Variants in REEP3 observed in about 807,000 individuals in gnomAD.
The protein encoded by REEP3 is receptor accessory protein 3, also known as receptor expression-enhancing protein 3.
Under a neutral mutation model 41.3 loss-of-function variants are expected in REEP3, and 20 were observed. The observed-to-expected ratio is 0.48, with a 90% CI of 0.34 to 0.70. The LOEUF is 0.70. Ranked by LOEUF, REEP3 falls within the 30% of genes least tolerant of loss-of-function variation. The pLI is 0.01. For synonymous variants in REEP3, 104 were observed against 101.8 expected (o/e 1.02, Z -0.13); for missense variants, 271 against 308.8 (o/e 0.88, Z 0.92).
chr10:63,576,643 T>C (rs1164324211), intron 2 of REEP3, among the ~76,000 whole-genome samples: 2 of 152,222 alleles, frequency 1.3e-5, no homozygotes, highest in South Asian at 2.1e-4. Flanking sequence ...AGTCAGCTTG[T>C]GTTGCCATAA....
chr10:63,572,172 AT>A (rs1216362464), intron 2 of REEP3, among the ~76,000 whole-genome samples: 2 of 152,190 alleles, frequency 1.3e-5, no homozygotes, highest in Admixed American at 6.5e-5. Context: ...TTAAAAAAAA[AT>A]AAAATCCCTT....
At chr10:63,612,103 C>T (rs1369334844) in intron 6 of REEP3, among the ~76,000 whole-genome samples, 2 of 152,044 alleles carry the variant, frequency 1.3e-5, no homozygotes, top group Non-Finnish European at 2.9e-5. Context: ...CTTAATAGTA[C>T]ATTAATAATG....
intron 5 of REEP3, among the ~76,000 whole-genome samples, chr10:63,607,510 C>G (rs1956240008): frequency 6.6e-6 from 1 of 152,158 alleles, no homozygotes; most frequent in Non-Finnish European, 1.5e-5. Context: ...ATGGAGAAAC[C>G]TGTGGCCATA....
chr10:63,595,998 A>C (rs1956111028), intron 3 of REEP3, among the ~76,000 whole-genome samples: 1 of 152,152 alleles, frequency 6.6e-6, no homozygotes, highest in Non-Finnish European at 1.5e-5. Flanking sequence ...GTCAGTGTCT[A>C]CTTACATTTT....
intron 6 of REEP3, among the ~76,000 whole-genome samples, chr10:63,613,315 C>T (rs528336057): frequency 2.6e-4 from 39 of 152,234 alleles, no homozygotes; most frequent in African/African-American, 9.2e-4. Context: ...TGGCCACCTA[C>T]CAAATTTTAT....
Position 63,567,573 on chromosome 10 carries a change from G to T in REEP3, c.105+1163G>T, listed in dbSNP as rs117531326. Among the ~76,000 whole-genome samples the T allele has an allele frequency of 6.3e-3, 957 of 152,138 alleles. 3 individuals carry two copies. Among genetic ancestry groups the T allele is most frequent in the Admixed American group, 0.011 (171 of 15,288 alleles). On this transcript the variant is annotated intron_variant, in intron 2 of 7. Transcript: ENST00000373758. ...CTACTGTATGGATATATGACATTTTGCTTATCCATTCATCTGTTGACAGAC... is the reference window on the plus strand; with the variant it reads ...CTACTGTATGGATATATGACATTTTTCTTATCCATTCATCTGTTGACAGAC...
At chr10:63,597,919 A>AT (rs1435838355) in intron 3 of REEP3, 105 bp from the exon 4 acceptor site, 1 of 1,050,300 alleles carries the variant, frequency 9.5e-7, no homozygotes, top group Non-Finnish European at 1.3e-6. Context: ...AAAAAAAAAA[A>AT]ACAAAAAACA....
chr10:63,598,010 G>GT lies in REEP3; in HGVS notation c.183-9dup, dbSNP rs751542563. On this transcript the variant is annotated splice_polypyrimidine_tract_variant and intron_variant, in intron 3 of 7. Transcript: ENST00000373758. ...TTTCACTGGCAGTTTATTTCCAAATGTTTTTCTTATTAGGTTTCCCCTGTA... is the reference window on the plus strand; with the variant it reads ...TTTCACTGGCAGTTTATTTCCAAATGTTTTTTCTTATTAGGTTTCCCCTGTA... 1.3e-6 allele frequency: 2 copies of GT among 1,574,826 alleles called. No individual in the cohort carries two copies. The highest frequency in any genetic ancestry group is 2.7e-5 in the African/African-American group (2 of 72,896).
intron 2 of REEP3, among the ~76,000 whole-genome samples, chr10:63,590,029 A>G (rs1010307690): frequency 2.6e-5 from 4 of 151,966 alleles, no homozygotes; most frequent in Admixed American, 6.6e-5. Flanking sequence ...TCCTGACCTC[A>G]AGTGATCCGC....
intron 2 of REEP3, among the ~76,000 whole-genome samples, chr10:63,588,866 G>A (rs1423547266): frequency 6.6e-6 from 1 of 152,218 alleles, no homozygotes. Flanking sequence ...AAGTGAGCAA[G>A]CTCTTCACAT....
Position 63,521,411 on chromosome 10 carries a change from C to T in REEP3, c.-135C>T. The T allele has an allele frequency of 4.0e-6, 1 of 250,400 alleles. No individual in the cohort carries two copies. The highest frequency in any genetic ancestry group is 6.6e-6 in the Non-Finnish European group (1 of 152,280). 15.5% of individuals were successfully genotyped at this position (250,400 alleles called of 1,614,324 possible). ...CAGGCCGCCGCGCGCACACACCGGGCCCGGCTCCTGAGGGCGCCAGCGCGG... is the reference window on the plus strand; with the variant it reads ...CAGGCCGCCGCGCGCACACACCGGGTCCGGCTCCTGAGGGCGCCAGCGCGG... On this transcript the variant is annotated 5_prime_UTR_variant, in exon 1 of 8. Transcript: ENST00000373758.
intron 1 of REEP3, among the ~76,000 whole-genome samples, chr10:63,542,746 A>C (rs1955540108): frequency 6.6e-6 from 1 of 152,144 alleles, no homozygotes; most frequent in Non-Finnish European, 1.5e-5. Flanking sequence ...TATATTTTGG[A>C]GTTTTTTCAC....
chr10:63,529,335 T>C (rs938791291), intron 1 of REEP3, among the ~76,000 whole-genome samples: 8 of 152,232 alleles, frequency 5.3e-5, no homozygotes, highest in Non-Finnish European at 7.3e-5. Flanking sequence ...TCTTTAAACC[T>C]TGGTAACCTA....
At chr10:63,543,259 C>T (rs1208289232) in intron 1 of REEP3, among the ~76,000 whole-genome samples, 1 of 152,132 alleles carries the variant, frequency 6.6e-6, no homozygotes, top group East Asian at 1.9e-4. Flanking sequence ...TAATCTTTCT[C>T]ATGTTTTAAT....
intron 1 of REEP3, among the ~76,000 whole-genome samples, chr10:63,549,954 G>A (rs1955612917): frequency 6.6e-6 from 1 of 152,214 alleles, no homozygotes; most frequent in Non-Finnish European, 1.5e-5. Flanking sequence ...ATGTTCTGAT[G>A]CACTCCCACA....
chr10:63,540,580 G>A (rs1211685614), intron 1 of REEP3, among the ~76,000 whole-genome samples: 1 of 152,150 alleles, frequency 6.6e-6, no homozygotes, highest in Non-Finnish European at 1.5e-5. Flanking sequence ...ATCTACCATA[G>A]CAGAAAGACA....
intron 5 of REEP3, among the ~76,000 whole-genome samples, chr10:63,608,570 A>G (rs1334929290): frequency 6.6e-6 from 1 of 152,244 alleles, no homozygotes; most frequent in African/African-American, 2.4e-5. Flanking sequence ...GAAATCATAA[A>G]TTCACATGTG....
At chr10:63,616,222 C>G (rs1277033049) in intron 6 of REEP3, among the ~76,000 whole-genome samples, 1 of 152,220 alleles carries the variant, frequency 6.6e-6, no homozygotes, top group African/African-American at 2.4e-5. Flanking sequence ...TTAGCCACCA[C>G]CTCCTACAAG....
intron 1 of REEP3, among the ~76,000 whole-genome samples, chr10:63,525,634 G>A (rs911011059): frequency 3.9e-5 from 6 of 152,104 alleles, no homozygotes; most frequent in African/African-American, 1.2e-4. Context: ...GGCCAGGCTG[G>A]ACTTGAACTC....
Sources: allele counts gnomAD v4.1 joint callset (sites outside exome capture counted in the v4.1 genomes callset), GRCh38; gene constraint gnomAD v4.1.1; transcripts MANE v1.5; gene names NCBI Gene and HGNC (gene_info 2026-07-23, HGNC 2026-07-21).